Variants in ALDH1A1 observed in about 807,000 individuals in gnomAD.
ALDH1A1 encodes aldehyde dehydrogenase 1 family member A1, also known as aldehyde dehydrogenase 1A1.
Under a neutral mutation model 62.1 loss-of-function variants are expected in ALDH1A1, and 19 were observed. The ratio of observed to expected loss-of-function variants is 0.31; its 90% CI spans 0.21 to 0.45. ALDH1A1 has a LOEUF of 0.45. Among genes scored for constraint, ALDH1A1 ranks in the 20% least tolerant of loss-of-function variants. ALDH1A1 has a pLI of 1.00. For synonymous variants in ALDH1A1, 231 were observed against 215.9 expected, an observed-to-expected ratio of 1.07 and a Z score of -0.61; for missense variants, 521 against 607.1, an observed-to-expected ratio of 0.86 and a Z score of 1.49.
intron 8 of ALDH1A1, among the ~76,000 whole-genome samples, chr9:72,917,794 A>AATTTTCTT (rs1054011098): frequency 6.6e-6 from 1 of 152,178 alleles, no homozygotes; most frequent in Non-Finnish European, 1.5e-5. Flanking sequence ...ACAAGAATAA[A>AATTTTCTT]ATTTTCTTTG....
rs1249527868 is a variant in ALDH1A1 at position 72,901,155 on chromosome 9, C to T, written c.*53G>A. 4 of 1,362,204 alleles carry T rather than the reference C, an allele frequency of 2.9e-6. No homozygotes were observed. The highest frequency in any genetic ancestry group is 4.2e-6 in the Non-Finnish European group (4 of 957,380). 84.4% of individuals were successfully genotyped at this position (1,362,204 alleles called of 1,614,324 possible). A position where few individuals can be genotyped will look rare whatever the true frequency, so the allele number is the denominator to read the frequency against. ...TCTTTAAAATCTACTATATTAGTGA[C>T]TGTAAGGAGATGCTTAGCTATTGAA... On this transcript the variant is annotated 3_prime_UTR_variant, in exon 13 of 13. Transcript: ENST00000297785.
chr9:72,928,941 G>A lies in ALDH1A1; in HGVS notation c.393C>T (p.Arg131=). 6.2e-7 allele frequency: 1 copy of A among 1,613,994 alleles called. No homozygotes were observed. The highest frequency in any genetic ancestry group is 8.5e-7 in the Non-Finnish European group (1 of 1,179,928). The change falls in exon 4 of 13, where the codon CGC becomes CGT. Residue 131 remains arginine, a synonymous_variant. Transcript: ENST00000297785. ...TCTTGTCAGCCCAACCTGCACAGTA[G>A]CGCAATGTTTTGATGCAGCCTGCTA... ...NDLAGCIKTL[R]YCAGWADKIQ...
Position 72,921,309 on chromosome 9 carries a change from A to G in ALDH1A1, c.748-2487T>C, listed in dbSNP as rs143913649. Among the ~76,000 whole-genome samples the G allele has an allele frequency of 1.8e-4, 27 of 152,040 alleles. No homozygotes were observed. In the East Asian group the frequency reaches 4.8e-3, roughly 27 times the overall value. On this transcript the variant is annotated intron_variant, in intron 7 of 12. Coordinates refer to ENST00000297785, the MANE Select transcript of ALDH1A1 (RefSeq NM_000689.5). ...GTTAGAATGGAGGGTCTTTGCTACA[A>G]TGAACACAAAGGATACAGTCTATTG...
intron 11 of ALDH1A1, among the ~76,000 whole-genome samples, chr9:72,908,539 GAAAGAAAAGAAAGAAGAAAGAAAGA>G (rs1564622340): frequency 4.4e-5 from 4 of 90,638 alleles, no homozygotes; most frequent in African/African-American, 8.8e-5. Context: ...AAGAAAGAAA[GAAAGAAAAGAAAGAAGAAAGAAAGA>G]AAGAAAGAAA....
intron 12 of ALDH1A1, among the ~76,000 whole-genome samples, chr9:72,903,398 G>A (rs1314866971): frequency 1.3e-5 from 2 of 151,832 alleles, no homozygotes; most frequent in Admixed American, 6.6e-5. Flanking sequence ...ACCATTTTTC[G>A]CTCTTTGAGG....
intron 1 of ALDH1A1, 105 bp downstream of exon 1, chr9:72,952,830 G>A: frequency 7.7e-7 from 1 of 1,290,786 alleles, no homozygotes. Context: ...TTTTATATTT[G>A]CAAAGGGCTC....
chr9:72,916,857 G>T (rs751153062), intron 9 of ALDH1A1, 63 bp downstream of exon 9: 48 of 1,352,124 alleles, frequency 3.5e-5, no homozygotes, highest in Non-Finnish European at 4.8e-5. Flanking sequence ...ATAAAATCTA[G>T]GTCTAAAGAG....
At chr9:72,941,100 C>G (rs1830408897) in intron 1 of ALDH1A1, among the ~76,000 whole-genome samples, 1 of 152,114 alleles carries the variant, frequency 6.6e-6, no homozygotes, top group African/African-American at 2.4e-5. Context: ...ATATAACTTT[C>G]TGTTAGACTT....
At chr9:72,907,992 G>A (rs942740835) in intron 11 of ALDH1A1, among the ~76,000 whole-genome samples, 1 of 152,108 alleles carries the variant, frequency 6.6e-6, no homozygotes, top group Non-Finnish European at 1.5e-5. Context: ...CTTTGGAGGA[G>A]AAATTTAAAC....
In ALDH1A1 at chr9:72,918,728, T is replaced by G; in HGVS notation, c.842A>C (p.Asp281Ala). The G allele has an allele frequency of 6.4e-7, 1 of 1,568,426 alleles. No individual in the cohort carries two copies. Among genetic ancestry groups the G allele is most frequent in the Non-Finnish European group, 8.7e-7 (1 of 1,153,678 alleles). Residue 281 changes from aspartate (D) to alanine (A), a missense_variant, in exon 8 of 13, where the codon GAT becomes GCT. Asp to Ala is a moderately radical substitution (Grantham distance 126). Coordinates refer to ENST00000297785, the MANE Select transcript of ALDH1A1 (RefSeq NM_000689.5). ...AAGTGGTTTCTACTCACAGTCGGCA[T>G]CAGCTAACACAATGCAAGGGCTCTT... Reference protein sequence around the residue: ...GGKSPCIVLADADLDNAVEFA... With the variant: ...GGKSPCIVLAAADLDNAVEFA...
At chr9:72,925,392 T>A in intron 6 of ALDH1A1, 92 bp downstream of exon 6, 1 of 1,448,256 alleles carries the variant, frequency 6.9e-7, no homozygotes, top group East Asian at 2.3e-5. Flanking sequence ...CATCTGTAAA[T>A]AATGTACTTT....
chr9:72,910,692 T>G lies in ALDH1A1; in HGVS notation c.1201-933A>C, dbSNP rs1201354318. On this transcript the variant is annotated intron_variant, in intron 10 of 12. Coordinates refer to ENST00000297785, the MANE Select transcript of ALDH1A1 (RefSeq NM_000689.5). The stretch of plus-strand genomic sequence containing the variant: ...AAGATTCCTGAAATTACCAGAATTT[T>G]CTGGGAAATCTGAATGAAGGAAGAC... 2.6e-5 allele frequency among the ~76,000 whole-genome samples: 4 copies of G among 152,258 alleles called. No homozygotes were observed. The East Asian group carries it at 7.7e-4, about 29-fold the overall frequency.
chr9:72,903,362 T>C (rs1829831122), intron 12 of ALDH1A1, among the ~76,000 whole-genome samples: 2 of 152,054 alleles, frequency 1.3e-5, no homozygotes, highest in South Asian at 2.1e-4. Flanking sequence ...CTGTATCACC[T>C]TCAAACACAC....
intron 7 of ALDH1A1, among the ~76,000 whole-genome samples, chr9:72,920,743 T>G (rs1830129703): frequency 2.0e-5 from 3 of 152,232 alleles, no homozygotes. Flanking sequence ...TTTTGTCTCA[T>G]GATTTCATTC....
At chr9:72,905,068 C>A (rs1453845215) in intron 12 of ALDH1A1, among the ~76,000 whole-genome samples, 3 of 152,076 alleles carry the variant, frequency 2.0e-5, no homozygotes, top group Non-Finnish European at 4.4e-5. Context: ...CGGTACTCAA[C>A]CATTTAATAC....
chr9:72,944,188 T>C (rs8187891), intron 1 of ALDH1A1, among the ~76,000 whole-genome samples: 3,068 of 152,156 alleles, frequency 0.02, 59 homozygotes, highest in Non-Finnish European at 0.032. Context: ...GATTTTAAAG[T>C]ATCCCAAGTA....
At chr9:72,907,069 T>C (rs1829886291) in intron 11 of ALDH1A1, among the ~76,000 whole-genome samples, 1 of 152,178 alleles carries the variant, frequency 6.6e-6, no homozygotes, top group Non-Finnish European at 1.5e-5. Context: ...GGTCATTACT[T>C]TTATCCTGAG....
At chr9:72,944,795 A>G (rs760446674) in intron 1 of ALDH1A1, among the ~76,000 whole-genome samples, 3 of 152,084 alleles carry the variant, frequency 2.0e-5, no homozygotes, top group Non-Finnish European at 1.5e-5. Context: ...CTAATTATGA[A>G]TTTTGGACTT....
chr9:72,914,575 A>G (rs748602278), intron 9 of ALDH1A1, among the ~76,000 whole-genome samples: 9 of 152,158 alleles, frequency 5.9e-5, no homozygotes, highest in Admixed American at 2.6e-4. Flanking sequence ...TAATTTTAGT[A>G]TCGTTTATGT....
Sources: gnomAD v4.1 joint callset for allele counts (sites outside exome capture counted in the v4.1 genomes callset) on GRCh38, gnomAD v4.1.1 for gene constraint, MANE v1.5 for transcripts, NCBI Gene and HGNC (gene_info 2026-07-23, HGNC 2026-07-21) for gene names.